Variants in CCDC30 observed in about 807,000 individuals in gnomAD.
CCDC30 encodes coiled-coil domain-containing protein 30.
A neutral mutation model predicts 100.2 loss-of-function variants in CCDC30; 70 were observed. The observed-to-expected ratio is 0.70, with a 90% CI of 0.58 to 0.85. CCDC30 has a LOEUF of 0.85. Among genes scored for constraint, CCDC30 ranks in the 40% least tolerant of loss-of-function variants. The probability of loss-of-function intolerance (pLI) is 0.00; values close to 1 mark genes in which losing one functional copy is unlikely to be tolerated. For synonymous variants in CCDC30, 233 were observed against 269.5 expected, an observed-to-expected ratio of 0.86 and a Z score of 1.33; for missense variants, 652 against 771.2, an observed-to-expected ratio of 0.85 and a Z score of 1.83.
intron 9 of CCDC30, among the ~76,000 whole-genome samples, chr1:42,586,482 A>T (rs1028270065): frequency 3.3e-5 from 5 of 151,936 alleles, no homozygotes; most frequent in Non-Finnish European, 7.4e-5. Context: ...ATTAAAAAAA[A>T]AATTTAGAGA....
chr1:42,641,426 C>T (rs1271992068), intron 12 of CCDC30, among the ~76,000 whole-genome samples: 1 of 152,006 alleles, frequency 6.6e-6, no homozygotes, highest in East Asian at 1.9e-4. Context: ...GTGGTTCATG[C>T]CTGTAGTCCT....
chr1:42,527,281 A>C (rs1386608948), intron 6 of CCDC30, among the ~76,000 whole-genome samples: 1 of 152,194 alleles, frequency 6.6e-6, no homozygotes, highest in African/African-American at 2.4e-5. Flanking sequence ...CTAGGATAGG[A>C]CCACAGGGGT....
upstream of CCDC30, among the ~76,000 whole-genome samples, chr1:42,462,212 C>T (rs1643431775): frequency 6.6e-6 from 1 of 151,894 alleles, no homozygotes; most frequent in South Asian, 2.1e-4. Flanking sequence ...AGTAAAAATT[C>T]CAGGGGGGTG....
At chr1:42,584,587 A>G (rs1375161397) in intron 9 of CCDC30, among the ~76,000 whole-genome samples, 1 of 144,980 alleles carries the variant, frequency 6.9e-6, no homozygotes, top group African/African-American at 2.6e-5. Context: ...GGCAGGCTAA[A>G]CAGGCGAGAC....
At position 42,596,334 on chromosome 1, in the gene CCDC30, C is replaced by G. The variant is rs1437072652; in HGVS notation, c.1164+6851C>G. The stretch of plus-strand genomic sequence containing the variant: ...GTTCTTGTGAATATCTGAGAAAAAT[C>G]CCCTTTTGCTTCCAGAACGGGGAGA... On this transcript the variant is annotated intron_variant, in intron 10 of 16. Coordinates refer to ENST00000668663, the Ensembl canonical transcript of CCDC30. This position sits in a 1 kb window ranked among gnomAD's most constrained non-coding sequence, Gnocchi z 4.3. Among the ~76,000 whole-genome samples, 1 of 152,130 alleles carries G rather than the reference C, an allele frequency of 6.6e-6. No homozygotes were observed. The highest frequency in any genetic ancestry group is 2.1e-4 in the South Asian group (1 of 4,816).
intron 11 of CCDC30, among the ~76,000 whole-genome samples, chr1:42,631,345 A>G (rs1308334836): frequency 6.6e-6 from 1 of 152,050 alleles, no homozygotes; most frequent in African/African-American, 2.4e-5. Context: ...GTCTCTCTCT[A>G]TGTTCTGAGC....
chr1:42,456,537 G>C, the CCDC30 span: 6 of 1,445,032 alleles, frequency 4.2e-6, no homozygotes, highest in Middle Eastern at 3.8e-4. Flanking sequence ...GCCGCGAAAC[G>C]TGCGCAGGCG....
intron 7 of CCDC30, among the ~76,000 whole-genome samples, chr1:42,574,554 T>G (rs1013023515): frequency 6.6e-6 from 1 of 152,170 alleles, no homozygotes; most frequent in African/African-American, 2.4e-5. Flanking sequence ...TTTATTCATT[T>G]TATTAGACTG....
the CCDC30 span, chr1:42,456,365 C>T: frequency 4.6e-6 from 3 of 653,586 alleles, no homozygotes; most frequent in South Asian, 4.1e-5. Flanking sequence ...CCGGGGATCC[C>T]CCTCGTTGCA....
intron 7 of CCDC30, among the ~76,000 whole-genome samples, chr1:42,568,791 G>C (rs1645664774): frequency 6.9e-6 from 1 of 145,076 alleles, no homozygotes; most frequent in Non-Finnish European, 1.5e-5. Context: ...AAAAAAAAAA[G>C]AGTTAGCCGG....
chr1:42,463,481 C>T (rs1375751680), exon 1 of CCDC30: 3 of 152,308 alleles, frequency 2.0e-5, no homozygotes, highest in Non-Finnish European at 4.4e-5. Context: ...TGCTTCTCCC[C>T]AGTATGGTCC....
At chr1:42,644,326 C>G (rs548437298) in intron 13 of CCDC30, among the ~76,000 whole-genome samples, 5 of 152,178 alleles carry the variant, frequency 3.3e-5, no homozygotes, top group Non-Finnish European at 7.4e-5. Context: ...GGAGGAGAGG[C>G]CTGTCTCTCT....
intron 1 of CCDC30, among the ~76,000 whole-genome samples, chr1:42,466,205 G>C (rs1376536550): frequency 6.6e-6 from 1 of 152,134 alleles, no homozygotes; most frequent in African/African-American, 2.4e-5. Flanking sequence ...TATGTACTTT[G>C]TTCCCTAGAG....
intron 10 of CCDC30, among the ~76,000 whole-genome samples, chr1:42,602,537 G>A (rs562047254): frequency 1.3e-5 from 2 of 152,160 alleles, no homozygotes; most frequent in African/African-American, 4.8e-5. Flanking sequence ...GCCCACAAAT[G>A]TGATAACCTA....
intron 15 of CCDC30, among the ~76,000 whole-genome samples, chr1:42,646,726 G>T (rs1241113978): frequency 6.6e-6 from 1 of 152,174 alleles, no homozygotes; most frequent in Non-Finnish European, 1.5e-5. Flanking sequence ...TTTGGGACAG[G>T]CAGTGCTCTC....
intron 6 of CCDC30, 88 bp downstream of exon 7, chr1:42,536,689 G>T (rs1338021473): frequency 1.1e-4 from 110 of 958,854 alleles, no homozygotes; most frequent in Non-Finnish European, 4.8e-6. Flanking sequence ...GTATAACTAT[G>T]TGTCTCAGCT....
At chr1:42,655,867 CTTT>C (rs766715541), downstream of CCDC30, among the ~76,000 whole-genome samples, 2 of 87,308 alleles carry the variant, frequency 2.3e-5, no homozygotes, top group African/African-American at 4.4e-5. Context: ...GCTGTTTTTA[CTTT>C]TTTTTTTTTT....
At chr1:42,577,556 T>C (rs1471633301) in intron 8 of CCDC30, among the ~76,000 whole-genome samples, 1 of 152,240 alleles carries the variant, frequency 6.6e-6, no homozygotes, top group Non-Finnish European at 1.5e-5. Flanking sequence ...TGGCTGTTAA[T>C]GTAAATGTTG....
chr1:42,456,241 G>A, the CCDC30 span: 5 of 606,618 alleles, frequency 8.2e-6, no homozygotes, highest in South Asian at 2.0e-5. Context: ...CTCCCAAGGA[G>A]TCCAAGTCCA....
Sources: allele counts gnomAD v4.1 joint callset (sites outside exome capture counted in the v4.1 genomes callset), GRCh38; gene constraint gnomAD v4.1.1; non-coding constraint Gnocchi (gnomAD v3.1); transcripts MANE v1.5; gene names NCBI Gene and HGNC (gene_info 2026-07-23, HGNC 2026-07-21).